The following GABRB2 variants were observed in gnomAD, a reference collection of about 807,000 sequenced individuals.
The protein encoded by GABRB2 is gamma-aminobutyric acid receptor subunit beta-2.
GABRB2 carries 16 observed loss-of-function variants against 54.7 expected under a neutral mutation model. The ratio of observed to expected loss-of-function variants is 0.29; its 90% CI spans 0.20 to 0.44. GABRB2 has a LOEUF of 0.44. GABRB2 is among the 20% of genes least tolerant of loss of function. The pLI is 1.00. For synonymous variants in GABRB2, 244 were observed against 233.8 expected (o/e 1.04, Z -0.40); for missense variants, 355 against 644.0 (o/e 0.55, Z 4.86).
In GABRB2 at chr5:161,343,053, G is replaced by C. The variant is rs1024808727; in HGVS notation, c.542-6284C>G. On this transcript the variant is annotated intron_variant, in intron 5 of 9. Coordinates refer to ENST00000393959, the MANE Select transcript of GABRB2 (RefSeq NM_001371727.1). ...GACTGAGCGCAGTCAATGCCAATTA[G>C]AGTCACTGGGATCTTTCGAGAGGCA... is the stretch of plus-strand genomic sequence containing the variant. Among the ~76,000 whole-genome samples the C allele has an allele frequency of 1.8e-4, 28 of 151,994 alleles. 1 individual carries two copies. Among genetic ancestry groups the C allele is most frequent in the African/African-American group, 6.8e-4 (28 of 41,412 alleles).
At chr5:161,309,989 A>G (rs1350887220) in intron 9 of GABRB2, among the ~76,000 whole-genome samples, 2 of 152,246 alleles carry the variant, frequency 1.3e-5, no homozygotes, top group African/African-American at 2.4e-5. Context: ...GCTATAAAAA[A>G]GAAAAACGTT....
chr5:161,539,962 A>T (rs1412884512), intron 3 of GABRB2, among the ~76,000 whole-genome samples: 1 of 152,232 alleles, frequency 6.6e-6, no homozygotes, highest in Admixed American at 6.5e-5. Context: ...TTCTGCTGAT[A>T]GAATGTCTTG....
In GABRB2 at chr5:161,387,714, A is replaced by C. The variant is rs928517684; in HGVS notation, c.541+23261T>G. Among the ~76,000 whole-genome samples, 13 of 152,326 alleles carry C rather than the reference A, an allele frequency of 8.5e-5. No homozygotes were observed. The East Asian group carries it at 2.5e-3, about 29-fold the overall frequency. On this transcript the variant is annotated intron_variant, in intron 5 of 9. Coordinates refer to ENST00000393959, the MANE Select transcript of GABRB2 (RefSeq NM_001371727.1). ...AAACTGTTTTCTTTAGGGAAGAACTATATAGCTAAAACTTAATACTTAAAG... is the reference window on the plus strand; with the variant it reads ...AAACTGTTTTCTTTAGGGAAGAACTCTATAGCTAAAACTTAATACTTAAAG...
chr5:161,479,845 C>T (rs768494688), intron 3 of GABRB2, among the ~76,000 whole-genome samples: 1 of 152,046 alleles, frequency 6.6e-6, no homozygotes, highest in Admixed American at 6.6e-5. Flanking sequence ...GCCTCAGCCT[C>T]CTAAAGTACT....
At chr5:161,365,654 A>T in intron 5 of GABRB2, among the ~76,000 whole-genome samples, 1 of 152,186 alleles carries the variant, frequency 6.6e-6, no homozygotes, top group East Asian at 1.9e-4. Context: ...GCAGATGAAG[A>T]ATTAGAAACA....
intron 3 of GABRB2, among the ~76,000 whole-genome samples, chr5:161,529,164 T>C (rs1241064407): frequency 6.6e-6 from 1 of 152,032 alleles, no homozygotes; most frequent in African/African-American, 2.4e-5. Context: ...TTATAATTTT[T>C]CAGTGTATAC....
intron 4 of GABRB2, among the ~76,000 whole-genome samples, chr5:161,415,225 G>T (rs1756631237): frequency 6.6e-6 from 1 of 152,180 alleles, no homozygotes; most frequent in Admixed American, 6.5e-5. Context: ...GATGCCTCAA[G>T]AATGTGTCTT....
intron 3 of GABRB2, among the ~76,000 whole-genome samples, chr5:161,486,010 G>C (rs1758912468): frequency 6.6e-6 from 1 of 151,858 alleles, no homozygotes; most frequent in Non-Finnish European, 1.5e-5. Flanking sequence ...TCATACTCTA[G>C]ACCAAAATAA....
chr5:161,412,511 T>C (rs1756546296), intron 4 of GABRB2, among the ~76,000 whole-genome samples: 1 of 152,130 alleles, frequency 6.6e-6, no homozygotes, highest in Non-Finnish European at 1.5e-5. Flanking sequence ...CCACTAAACA[T>C]TATCCACACA....
At chr5:161,420,140 T>G (rs1756805593) in intron 4 of GABRB2, among the ~76,000 whole-genome samples, 1 of 152,152 alleles carries the variant, frequency 6.6e-6, no homozygotes, top group Admixed American at 6.5e-5. Flanking sequence ...ATCTCTCTAA[T>G]ATTTTATTTT....
At chr5:161,388,213 A>G (rs924466327) in intron 5 of GABRB2, among the ~76,000 whole-genome samples, 1 of 152,166 alleles carries the variant, frequency 6.6e-6, no homozygotes, top group Admixed American at 6.6e-5. Flanking sequence ...TGGATGTCAC[A>G]TACATGAGTT....
chr5:161,476,960 C>A (rs1422650143), intron 3 of GABRB2, among the ~76,000 whole-genome samples: 5 of 151,604 alleles, frequency 3.3e-5, no homozygotes, highest in African/African-American at 1.2e-4. Flanking sequence ...CTTATGCATA[C>A]CAAATGAAAC....
chr5:161,440,327 A>C (rs566567147), intron 4 of GABRB2, among the ~76,000 whole-genome samples: 54 of 152,248 alleles, frequency 3.5e-4, no homozygotes, highest in African/African-American at 1.1e-3. Flanking sequence ...AGACTCATTG[A>C]TCTGTTGCCT....
chr5:161,509,848 T>C (rs1759712804), intron 3 of GABRB2, among the ~76,000 whole-genome samples: 1 of 151,980 alleles, frequency 6.6e-6, no homozygotes, highest in African/African-American at 2.4e-5. Context: ...AAATAGTTCC[T>C]TAAGGCCTCC....
At chr5:161,513,209 A>T (rs1190986468) in intron 3 of GABRB2, among the ~76,000 whole-genome samples, 4 of 152,076 alleles carry the variant, frequency 2.6e-5, no homozygotes, top group Non-Finnish European at 5.9e-5. Context: ...TAAGCTACTT[A>T]ACTACCTGAA....
At chr5:161,318,219 G>T (rs968647500) in intron 9 of GABRB2, among the ~76,000 whole-genome samples, 2 of 151,892 alleles carry the variant, frequency 1.3e-5, no homozygotes, top group African/African-American at 4.8e-5. Context: ...AATATATATA[G>T]AAATTAAATA....
At chr5:161,443,828 C>A (rs1757532809) in intron 4 of GABRB2, among the ~76,000 whole-genome samples, 1 of 152,110 alleles carries the variant, frequency 6.6e-6, no homozygotes, top group Admixed American at 6.6e-5. Flanking sequence ...GGGGTAATGA[C>A]CAATGAGTAG....
At chr5:161,405,435 T>G (rs1157615941) in intron 5 of GABRB2, among the ~76,000 whole-genome samples, 1 of 152,124 alleles carries the variant, frequency 6.6e-6, no homozygotes, top group Non-Finnish European at 1.5e-5. Flanking sequence ...TTGATTATCT[T>G]ATTACCTTTA....
chr5:161,375,414 T>G (rs1755264887), intron 5 of GABRB2, among the ~76,000 whole-genome samples: 2 of 152,178 alleles, frequency 1.3e-5, no homozygotes, highest in African/African-American at 4.8e-5. Context: ...AGTGGAAGAA[T>G]GGCTCATTGT....
Sources: allele counts gnomAD v4.1 joint callset (sites outside exome capture counted in the v4.1 genomes callset), GRCh38; gene constraint gnomAD v4.1.1; transcripts MANE v1.5; gene names NCBI Gene and HGNC (gene_info 2026-07-23, HGNC 2026-07-21).